The following DIAPH2 variants were observed in gnomAD, a reference collection of about 807,000 sequenced individuals.
The protein encoded by DIAPH2 is diaphanous related formin 2.
DIAPH2 carries 35 observed loss-of-function variants against 92.7 expected under a neutral mutation model. The ratio of observed to expected loss-of-function variants is 0.38; its 90% confidence interval spans 0.29 to 0.50. DIAPH2 has a LOEUF of 0.50. Among genes scored for constraint, DIAPH2 ranks in the 20% least tolerant of loss-of-function variants. The pLI is 0.94. For missense variants in DIAPH2, 701 were observed against 819.5 expected (o/e 0.86, Z 1.77); for synonymous variants, 301 against 280.4 (o/e 1.07, Z -0.73).
intron 17 of DIAPH2, among the ~76,000 whole-genome samples, chrX:97,063,818 T>A (rs1313252250): frequency 8.9e-6 from 1 of 112,345 alleles, no homozygotes; most frequent in East Asian, 2.8e-4. Context: ...TTATTGAACA[T>A]CTTGTTATGT....
chrX:96,844,186 T>C (rs186657324), intron 4 of DIAPH2, among the ~76,000 whole-genome samples: 115 of 112,770 alleles, frequency 1.0e-3, no homozygotes, highest in African/African-American at 3.7e-3. Context: ...TATTTGATAC[T>C]CCATTAATTT....
intron 20 of DIAPH2, among the ~76,000 whole-genome samples, chrX:97,106,845 T>C (rs893424214): frequency 2.7e-5 from 3 of 111,885 alleles, no homozygotes; most frequent in African/African-American, 9.7e-5. Flanking sequence ...GGCAGGAGAA[T>C]CGTTTGAACG....
chrX:96,764,128 T>C (rs2064287152), intron 4 of DIAPH2, among the ~76,000 whole-genome samples: 1 of 111,433 alleles, frequency 9.0e-6, no homozygotes, highest in African/African-American at 3.3e-5. Flanking sequence ...TAGGACCTAG[T>C]TGATATGTGT....
rs540279531 is a variant in DIAPH2 at position 96,912,736 on chromosome X, C to T, written c.732+184C>T. Among the ~76,000 whole-genome samples, 27 of 110,348 alleles carry T rather than the reference C, an allele frequency of 2.4e-4. No homozygotes were observed. In the East Asian group the frequency reaches 4.8e-3, roughly 20 times the overall value. Reference sequence around the variant, plus strand: ...GACCCATCAACCTAAATAATAAACCCGGCATGCATTAACTCTTTTCCCTCA... The same window carrying T: ...GACCCATCAACCTAAATAATAAACCTGGCATGCATTAACTCTTTTCCCTCA... On this transcript the variant is annotated intron_variant, in intron 7 of 26. Coordinates refer to ENST00000324765, the MANE Select transcript of DIAPH2 (RefSeq NM_006729.5).
chrX:97,157,603 G>A (rs1287635307), intron 22 of DIAPH2, among the ~76,000 whole-genome samples: 1 of 110,881 alleles, frequency 9.0e-6, no homozygotes, highest in Non-Finnish European at 1.9e-5. Flanking sequence ...TCTGTCTATG[G>A]AGTAGCTGTT....
At chrX:97,114,145 AGCATCT>A (rs1213739837) in intron 20 of DIAPH2, among the ~76,000 whole-genome samples, 1 of 112,067 alleles carries the variant, frequency 8.9e-6, no homozygotes, top group African/African-American at 3.2e-5. Flanking sequence ...ACTTAACAGC[AGCATCT>A]GTCAAGTAGG....
chrX:97,571,119 C>CTGTTT (rs2071367030), intron 26 of DIAPH2, among the ~76,000 whole-genome samples: 1 of 111,412 alleles, frequency 9.0e-6, no homozygotes, highest in Non-Finnish European at 1.9e-5. Context: ...CACCAAGTCT[C>CTGTTT]TGTTTTTTCT....
chrX:96,812,879 G>T (rs774152804), intron 4 of DIAPH2, among the ~76,000 whole-genome samples: 2 of 111,718 alleles, frequency 1.8e-5, no homozygotes, highest in South Asian at 7.6e-4. Context: ...CACTGTGGTC[G>T]GAGAGACAGT....
intron 26 of DIAPH2, among the ~76,000 whole-genome samples, chrX:97,483,224 T>A (rs748110586): frequency 1.8e-5 from 2 of 110,195 alleles, no homozygotes; most frequent in South Asian, 8.0e-4. Context: ...AAACAATAAT[T>A]GAGACTGAAA....
chrX:97,102,667 C>T (rs756487208), intron 20 of DIAPH2, among the ~76,000 whole-genome samples: 12 of 112,052 alleles, frequency 1.1e-4, no homozygotes, highest in Non-Finnish European at 2.3e-4. Flanking sequence ...ATGCCGGGCG[C>T]GTTGGCTCAT....
intron 9 of DIAPH2, among the ~76,000 whole-genome samples, chrX:96,926,459 C>G (rs1254968858): frequency 1.8e-5 from 2 of 111,264 alleles, no homozygotes; most frequent in Non-Finnish European, 3.8e-5. Flanking sequence ...TGAGCTTTGC[C>G]TTTTGAAAGT....
chrX:97,259,326 C>CA (rs968276142), intron 23 of DIAPH2, among the ~76,000 whole-genome samples: 136 of 108,634 alleles, frequency 1.3e-3, no homozygotes, highest in East Asian at 8.6e-3. Context: ...GACTCCGTCT[C>CA]AAAAAAAAAG....
chrX:97,164,252 A>C (rs1427181670), intron 22 of DIAPH2, among the ~76,000 whole-genome samples: 1 of 112,088 alleles, frequency 8.9e-6, no homozygotes, highest in Non-Finnish European at 1.9e-5. Context: ...AATGCAAAAC[A>C]ACCAATCCAT....
At chrX:97,162,206 T>G (rs2067379437) in intron 22 of DIAPH2, among the ~76,000 whole-genome samples, 1 of 111,033 alleles carries the variant, frequency 9.0e-6, no homozygotes. Context: ...AATCATCTAT[T>G]AAGAAGCAGT....
At chrX:97,594,638 C>T (rs1173025164) in intron 26 of DIAPH2, among the ~76,000 whole-genome samples, 1 of 112,891 alleles carries the variant, frequency 8.9e-6, no homozygotes, top group Non-Finnish European at 1.9e-5. Context: ...AAATCTGCCA[C>T]ATTGTCACTT....
In DIAPH2 at chrX:97,390,208, C is replaced by CTTT. The variant is rs142044871; in HGVS notation, c.3145+6191_3145+6193dup. ...GTTTATCTTTTTCCCTGCTTTCTGT[C>CTTT]TTTTTTTTTTTTTTTTTTTTTTTTT... is the stretch of plus-strand genomic sequence containing the variant. On this transcript the variant is annotated intron_variant, in intron 25 of 26. Coordinates refer to ENST00000324765, the MANE Select transcript of DIAPH2 (RefSeq NM_006729.5). Among the ~76,000 whole-genome samples the CTTT allele has an allele frequency of 1.6e-3, 52 of 33,188 alleles. 6 individuals carry two copies. The highest frequency in any genetic ancestry group is 7.4e-3 in the East Asian group (5 of 677). The allele number at this position is 33,188 out of a possible 115,157, so 28.8% of individuals were successfully genotyped here.
chrX:96,898,459 C>T lies in DIAPH2; in HGVS notation c.588-13869C>T, dbSNP rs1314314741. 1.7e-4 allele frequency among the ~76,000 whole-genome samples: 12 copies of T among 72,423 alleles called. 2 individuals are homozygous for T. The highest frequency in any genetic ancestry group is 4.6e-4 in the African/African-American group (12 of 25,852). 62.9% of individuals were successfully genotyped at this position (72,423 alleles called of 115,157 possible). A position where few individuals can be genotyped will look rare whatever the true frequency, so the allele number is the denominator to read the frequency against. On this transcript the variant is annotated intron_variant, in intron 5 of 26. Transcript: ENST00000324765. ...GGTATCTCATTGTGGTTTTGATTTT[C>T]GTTTCTCTGATGGCCAGTGATGGTG...
chrX:97,435,262 T>C (rs960193656), intron 26 of DIAPH2, among the ~76,000 whole-genome samples: 4 of 111,775 alleles, frequency 3.6e-5, no homozygotes, highest in African/African-American at 1.3e-4. Context: ...AAAGATCATA[T>C]TCATTCAACA....
At chrX:96,877,087 T>A (rs964458101) in intron 4 of DIAPH2, among the ~76,000 whole-genome samples, 1 of 111,552 alleles carries the variant, frequency 9.0e-6, no homozygotes, top group Non-Finnish European at 1.9e-5. Flanking sequence ...TTCTGCACTA[T>A]ATAGCATTCT....
Sources: gnomAD v4.1 joint callset for allele counts (sites outside exome capture counted in the v4.1 genomes callset) on GRCh38, gnomAD v4.1.1 for gene constraint, MANE v1.5 for transcripts, NCBI Gene and HGNC (gene_info 2026-07-23, HGNC 2026-07-21) for gene names.